CEP112: variants seen among roughly 807,000 people sequenced by gnomAD.
CEP112 encodes the protein centrosomal protein 112.
CEP112 carries 127 observed loss-of-function variants against 153.0 expected under a neutral mutation model. The ratio of observed to expected loss-of-function variants is 0.83; its 90% CI spans 0.72 to 0.96. The LOEUF (loss-of-function observed/expected upper bound fraction) is 0.96, where lower values mean the gene tolerates loss of function less well. Among genes scored for constraint, CEP112 ranks in the 40% least tolerant of loss-of-function variants. The pLI, the probability that CEP112 is intolerant of heterozygous loss-of-function variation, is 0.00. For missense variants in CEP112, 1,089 were observed against 1,101.2 expected (o/e 0.99, Z 0.16); for synonymous variants, 358 against 374.4 (o/e 0.96, Z 0.51).
intron 24 of CEP112, among the ~76,000 whole-genome samples, chr17:65,681,027 A>G (rs1598296840): frequency 6.6e-6 from 1 of 152,202 alleles, no homozygotes; most frequent in African/African-American, 2.4e-5. Context: ...CACAAAGTCT[A>G]ACCATATCAG....
intron 21 of CEP112, among the ~76,000 whole-genome samples, chr17:65,811,277 C>T (rs2055933608): frequency 6.6e-6 from 1 of 152,110 alleles, no homozygotes; most frequent in Non-Finnish European, 1.5e-5. Flanking sequence ...AGTGGTTACT[C>T]TGATGGACCA....
intron 4 of CEP112, among the ~76,000 whole-genome samples, chr17:66,150,526 C>G (rs2071162653): frequency 6.6e-6 from 1 of 152,210 alleles, no homozygotes; most frequent in African/African-American, 2.4e-5. Context: ...CCATCGCACC[C>G]AGCCACTGGA....
intron 20 of CEP112, among the ~76,000 whole-genome samples, chr17:65,894,277 C>A (rs571837172): frequency 1.3e-5 from 2 of 152,108 alleles, no homozygotes; most frequent in East Asian, 1.9e-4. Flanking sequence ...GAAAAGAATT[C>A]ATCTTAAAAG....
intron 21 of CEP112, among the ~76,000 whole-genome samples, chr17:65,798,524 A>G (rs1434956948): frequency 5.9e-5 from 9 of 152,174 alleles, no homozygotes; most frequent in Admixed American, 2.0e-4. Context: ...AAGTTATAGT[A>G]GACCTAGGTT....
chr17:66,164,804 G>A (rs1019738217), intron 4 of CEP112, among the ~76,000 whole-genome samples: 2 of 151,590 alleles, frequency 1.3e-5, no homozygotes, highest in Non-Finnish European at 1.5e-5. Flanking sequence ...GTGGTGAGCC[G>A]AGATCGTGCC....
chr17:65,757,581 T>A (rs1402248421), intron 21 of CEP112, among the ~76,000 whole-genome samples: 1 of 152,216 alleles, frequency 6.6e-6, no homozygotes, highest in Non-Finnish European at 1.5e-5. Flanking sequence ...GAAGCACTTC[T>A]GGAATTTGCT....
At chr17:66,037,092 T>C (rs896965301) in intron 12 of CEP112, among the ~76,000 whole-genome samples, 2 of 152,180 alleles carry the variant, frequency 1.3e-5, no homozygotes, top group Middle Eastern at 3.2e-3. Flanking sequence ...ATGAATGGGA[T>C]ATTATAATCT....
At chr17:65,804,749 C>A in intron 21 of CEP112, among the ~76,000 whole-genome samples, 1 of 152,084 alleles carries the variant, frequency 6.6e-6, no homozygotes, top group East Asian at 1.9e-4. Context: ...GAAACTGGAA[C>A]CTGTGGTCAT....
chr17:65,885,520 A>T (rs1424498822), intron 20 of CEP112, among the ~76,000 whole-genome samples: 1 of 152,194 alleles, frequency 6.6e-6, no homozygotes, highest in Non-Finnish European at 1.5e-5. Flanking sequence ...TTAACTGCCT[A>T]TGCTTCATTA....
chr17:65,645,693 T>C (rs778225890), intron 24 of CEP112, among the ~76,000 whole-genome samples: 1 of 152,264 alleles, frequency 6.6e-6, no homozygotes, highest in Admixed American at 6.5e-5. Flanking sequence ...TGAAGAGCTG[T>C]TATAAAGAAC....
chr17:66,016,633 A>G (rs1356577023), intron 16 of CEP112, among the ~76,000 whole-genome samples: 1 of 152,076 alleles, frequency 6.6e-6, no homozygotes, highest in Non-Finnish European at 1.5e-5. Context: ...GTTACATGGG[A>G]AACCAACAAG....
At chr17:65,970,272 C>T (rs2062633370) in intron 17 of CEP112, among the ~76,000 whole-genome samples, 1 of 151,748 alleles carries the variant, frequency 6.6e-6, no homozygotes, top group African/African-American at 2.4e-5. Flanking sequence ...ATATTACATG[C>T]ATGTATGTAG....
Position 65,743,094 on chromosome 17 carries a change from TC to T in CEP112, c.2580del (p.Ile861LeufsTer15), listed in dbSNP as rs1388332391. 3.1e-6 allele frequency: 5 copies of T among 1,611,526 alleles called. No individual in the cohort carries two copies. The highest frequency in any genetic ancestry group is 1.8e-4 in the Middle Eastern group (1 of 5,530). On this transcript the variant is annotated frameshift_variant, in exon 23 of 27. Transcript: ENST00000535342. LOFTEE classifies it high-confidence loss of function. ...TTGATTGCTTGGTCATTATCTCTAATCAGCTGCTTCTTCTCATCTTCAAACT... is the reference window on the plus strand; with the variant it reads ...TTGATTGCTTGGTCATTATCTCTAATAGCTGCTTCTTCTCATCTTCAAACT... ...RQKFEDEKKQ[L>X]IRDNDQAIKV...
chr17:65,937,555 CGGG>C (rs2061368033), intron 18 of CEP112, among the ~76,000 whole-genome samples: 4 of 88,880 alleles, frequency 4.5e-5, no homozygotes, highest in Admixed American at 2.8e-4. Context: ...CCGCCCCGTC[CGGG>C]AGGGAGGTGG....
At chr17:65,665,954 G>A (rs2046671968) in intron 24 of CEP112, among the ~76,000 whole-genome samples, 1 of 152,094 alleles carries the variant, frequency 6.6e-6, no homozygotes, top group South Asian at 2.1e-4. Context: ...ACTGACACCT[G>A]CCCCAGCTCC....
chr17:66,078,864 A>G (rs2067608497), intron 8 of CEP112, among the ~76,000 whole-genome samples: 1 of 152,078 alleles, frequency 6.6e-6, no homozygotes, highest in Non-Finnish European at 1.5e-5. Context: ...AAAAGACTGT[A>G]CTTGTCTTTC....
intron 19 of CEP112, among the ~76,000 whole-genome samples, chr17:65,908,329 G>A (rs527397490): frequency 4.9e-4 from 74 of 152,288 alleles, no homozygotes; most frequent in Non-Finnish European, 9.1e-4. Flanking sequence ...TTGACGGCTT[G>A]GTGGTTGGGG....
At chr17:65,820,822 C>A (rs927850761) in intron 21 of CEP112, among the ~76,000 whole-genome samples, 5 of 151,968 alleles carry the variant, frequency 3.3e-5, no homozygotes, top group African/African-American at 1.2e-4. Flanking sequence ...TGTTAGAATT[C>A]CGCATTCAAT....
At chr17:65,798,499 C>T (rs144792416) in intron 21 of CEP112, among the ~76,000 whole-genome samples, 306 of 152,222 alleles carry the variant, frequency 2.0e-3, no homozygotes, top group African/African-American at 7.0e-3. Context: ...TTTTAAAAGA[C>T]TGACTCACGG....
Sources: allele counts gnomAD v4.1 joint callset (sites outside exome capture counted in the v4.1 genomes callset), GRCh38; gene constraint gnomAD v4.1.1; transcripts MANE v1.5; gene names NCBI Gene and HGNC (gene_info 2026-07-23, HGNC 2026-07-21).